DERA: variants seen among roughly 807,000 people sequenced by gnomAD.
The protein encoded by DERA is deoxyribose-phosphate aldolase.
DERA carries 15 observed loss-of-function variants against 41.1 expected under a neutral mutation model. The observed-to-expected ratio is 0.37, with a 90% CI of 0.24 to 0.56. The LOEUF is 0.56. Ranked by LOEUF, DERA falls within the 20% of genes least tolerant of loss-of-function variation. The pLI is 0.81. For synonymous variants in DERA, 139 were observed against 137.4 expected, an observed-to-expected ratio of 1.01 and a Z score of -0.08; for missense variants, 396 against 403.4, an observed-to-expected ratio of 0.98 and a Z score of 0.16.
chr12:16,034,731 C>A (rs775322099), intron 7 of DERA, among the ~76,000 whole-genome samples: 1 of 150,962 alleles, frequency 6.6e-6, no homozygotes, highest in Non-Finnish European at 1.5e-5. Flanking sequence ...GATTTCATTG[C>A]AGATTTATGT....
chr12:15,957,038 G>A lies in DERA; in HGVS notation c.129+5G>A. 6.2e-7 allele frequency: 1 copy of A among 1,612,242 alleles called. No individual in the cohort carries two copies. Among genetic ancestry groups the A allele is most frequent in the Non-Finnish European group, 8.5e-7 (1 of 1,178,442 alleles). On this transcript the variant is annotated splice_donor_5th_base_variant and intron_variant, in intron 2 of 8. Coordinates refer to ENST00000428559, the MANE Select transcript of DERA (RefSeq NM_015954.4). The surrounding 1 kb of genome is among the most constrained non-coding windows in gnomAD (Gnocchi z 4.8). ...ACCGTGAAAAAGGAGTGGCAGGTAA[G>A]GGTTCTTCTTGAGCATTCTGTGCCT... is the stretch of plus-strand genomic sequence containing the variant.
chr12:15,926,343 A>T (rs985590522), intron 1 of DERA, among the ~76,000 whole-genome samples: 1 of 152,024 alleles, frequency 6.6e-6, no homozygotes, highest in Non-Finnish European at 1.5e-5. Context: ...GTGTATTTTG[A>T]TATAAACTTT....
intron 1 of DERA, among the ~76,000 whole-genome samples, chr12:15,942,214 G>A (rs1948413644): frequency 6.6e-6 from 1 of 152,002 alleles, no homozygotes; most frequent in Admixed American, 6.6e-5. Flanking sequence ...GGGATTACTT[G>A]TTTTTTTCTT....
intron 6 of DERA, among the ~76,000 whole-genome samples, chr12:15,997,504 C>G (rs541526292): frequency 6.6e-6 from 1 of 152,004 alleles, no homozygotes; most frequent in Admixed American, 6.6e-5. Flanking sequence ...GCAAGGTGTT[C>G]GGTAAAAATA....
rs193144924 is a variant in DERA at position 15,970,367 on chromosome 12, G to A, written c.508+7420G>A. The stretch of plus-strand genomic sequence containing the variant: ...TTTAGATAGGAAACAGTCTTTAAAC[G>A]CTTGGATTCTTACTTAAATCATAAT... On this transcript the variant is annotated intron_variant, in intron 5 of 8. Coordinates refer to ENST00000428559, the MANE Select transcript of DERA (RefSeq NM_015954.4). This position sits in a 1 kb window ranked among gnomAD's most constrained non-coding sequence, Gnocchi z 4.3. Among the ~76,000 whole-genome samples the A allele has an allele frequency of 2.0e-5, 3 of 152,044 alleles. No individual in the cohort carries two copies. Among genetic ancestry groups the A allele is most frequent in the African/African-American group, 4.8e-5 (2 of 41,414 alleles).
At chr12:16,030,840 G>A (rs111794828) in intron 6 of DERA, among the ~76,000 whole-genome samples, 10 of 152,278 alleles carry the variant, frequency 6.6e-5, no homozygotes, top group African/African-American at 2.4e-4. Flanking sequence ...GCACATGGTA[G>A]TACTCAGTAA....
In DERA at chr12:15,924,431, T is replaced by C. The variant is rs1948267505; in HGVS notation, c.31+13017T>C. On this transcript the variant is annotated intron_variant, in intron 1 of 8. Coordinates refer to ENST00000428559, the MANE Select transcript of DERA (RefSeq NM_015954.4). The surrounding 1 kb of genome is among the most constrained non-coding windows in gnomAD (Gnocchi z 5.0). ...ATGTATATATATAAAAGTTAAATAA[T>C]TGAACTCAGTAAATATATTTTTCAC... 6.6e-6 allele frequency among the ~76,000 whole-genome samples: 1 copy of C among 152,178 alleles called. No individual in the cohort carries two copies. The highest frequency in any genetic ancestry group is 2.1e-4 in the South Asian group (1 of 4,828).
At chr12:15,914,250 C>T (rs570048626) in intron 1 of DERA, among the ~76,000 whole-genome samples, 7 of 152,212 alleles carry the variant, frequency 4.6e-5, no homozygotes, top group African/African-American at 9.6e-5. Flanking sequence ...GGCATAGTGG[C>T]GCATGCCTGT....
At position 15,954,467 on chromosome 12, in the gene DERA, G is replaced by C. The variant is rs1948522562; in HGVS notation, c.32-2469G>C. 6.6e-6 allele frequency among the ~76,000 whole-genome samples: 1 copy of C among 152,200 alleles called. No homozygotes were observed. Among genetic ancestry groups the C allele is most frequent in the South Asian group, 2.1e-4 (1 of 4,834 alleles). ...AGGTTCAGGGAAGGCTCCCAGAGAA[G>C]GTGACATTTGAATCGACTCTTAAAG... On this transcript the variant is annotated intron_variant, in intron 1 of 8. Coordinates refer to ENST00000428559, the MANE Select transcript of DERA (RefSeq NM_015954.4). This position sits in a 1 kb window ranked among gnomAD's most constrained non-coding sequence, Gnocchi z 4.0.
At chr12:15,919,970 A>ATGTGTGTGTG (rs10523539) in intron 1 of DERA, among the ~76,000 whole-genome samples, 2 of 148,166 alleles carry the variant, frequency 1.3e-5, no homozygotes, top group African/African-American at 2.5e-5. Context: ...TGAGAAAGAA[A>ATGTGTGTGTG]TGTGTGTGTG....
chr12:15,911,616 A>G lies in DERA; in HGVS notation c.31+202A>G, dbSNP rs1235800588. 1 of 699,566 alleles carries G rather than the reference A, an allele frequency of 1.4e-6. No homozygotes were observed. The highest frequency in any genetic ancestry group is 2.6e-6 in the Non-Finnish European group (1 of 385,132). The allele number at this position is 699,566 out of a possible 1,614,324, so 43.3% of individuals were successfully genotyped here. A position where few individuals can be genotyped will look rare whatever the true frequency, so the allele number is the denominator to read the frequency against. On this transcript the variant is annotated intron_variant, in intron 1 of 8. Transcript: ENST00000428559. This position sits in a 1 kb window ranked among gnomAD's most constrained non-coding sequence, Gnocchi z 4.5. ...GTTCGCGCCGCTTGTCTTTGCACCT[A>G]AGCTTTTACTCTTGTATGCGGAAGG...
At chr12:15,987,541 A>G (rs1485650945) in intron 6 of DERA, among the ~76,000 whole-genome samples, 1 of 151,872 alleles carries the variant, frequency 6.6e-6, no homozygotes, top group East Asian at 1.9e-4. Flanking sequence ...CCAGCCTAAA[A>G]CCATATTTTT....
rs114183599 is a variant in DERA at position 15,929,583 on chromosome 12, C to T, written c.31+18169C>T. ...GGTACACCTACATTCCAAGCTTCTT[C>T]TGTGTGTGTGTCTGTGTGTGCATGT... On this transcript the variant is annotated intron_variant, in intron 1 of 8. Transcript: ENST00000428559. Among the ~76,000 whole-genome samples the T allele has an allele frequency of 4.1e-3, 620 of 152,172 alleles. 3 individuals are homozygous for T. The highest frequency in any genetic ancestry group is 0.014 in the African/African-American group (592 of 41,514).
chr12:16,019,290 G>A lies in DERA; in HGVS notation c.638-13252G>A, dbSNP rs1439645495. Among the ~76,000 whole-genome samples the A allele has an allele frequency of 6.6e-6, 1 of 152,128 alleles. No homozygotes were observed. Among genetic ancestry groups the A allele is most frequent in the African/African-American group, 2.4e-5 (1 of 41,432 alleles). On this transcript the variant is annotated intron_variant, in intron 6 of 8. Transcript: ENST00000428559. The surrounding 1 kb of genome is among the most constrained non-coding windows in gnomAD (Gnocchi z 4.4). Reference sequence around the variant, plus strand: ...GGTCTTATTCCTCACTTAAAAAATAGCCAGTGTCTGCATGCCTGAACTATT... The same window carrying A: ...GGTCTTATTCCTCACTTAAAAAATAACCAGTGTCTGCATGCCTGAACTATT...
intron 6 of DERA, among the ~76,000 whole-genome samples, chr12:15,997,373 AT>A (rs1309143249): frequency 6.6e-6 from 1 of 152,162 alleles, no homozygotes; most frequent in Admixed American, 6.5e-5. Context: ...AATGAAAAAA[AT>A]GATTTTTTTT....
chr12:15,930,042 G>A (rs1271492297), intron 1 of DERA, among the ~76,000 whole-genome samples: 3 of 152,176 alleles, frequency 2.0e-5, no homozygotes, highest in Non-Finnish European at 4.4e-5. Context: ...CTAGGTCATA[G>A]AGTAACTGTG....
At position 15,957,201 on chromosome 12, in the gene DERA, A is replaced by G. The variant is rs1405477728; in HGVS notation, c.129+168A>G. Among the ~76,000 whole-genome samples the G allele has an allele frequency of 1.3e-5, 2 of 152,262 alleles. No individual in the cohort carries two copies. The highest frequency in any genetic ancestry group is 1.9e-4 in the East Asian group (1 of 5,198). On this transcript the variant is annotated intron_variant, in intron 2 of 8. Transcript: ENST00000428559. This position sits in a 1 kb window ranked among gnomAD's most constrained non-coding sequence, Gnocchi z 4.8. ...TATGATGATGATGGGTTGGAGAAAG[A>G]TAACACATTTATCCAAACAAGTTAA... is the stretch of plus-strand genomic sequence containing the variant.
rs1261040012 is a variant in DERA, at chr12:15,938,289, A to G, written c.32-18647A>G. On this transcript the variant is annotated intron_variant, in intron 1 of 8. Coordinates refer to ENST00000428559, the MANE Select transcript of DERA (RefSeq NM_015954.4). This position sits in a 1 kb window ranked among gnomAD's most constrained non-coding sequence, Gnocchi z 4.1. ...GGGAGCACTAAAAATACTTAAAATT[A>G]TATAATTAAAAATATTGAATGATAC... Among the ~76,000 whole-genome samples the G allele has an allele frequency of 1.3e-5, 2 of 152,210 alleles. No homozygotes were observed. The highest frequency in any genetic ancestry group is 6.5e-5 in the Admixed American group (1 of 15,284).
At chr12:15,980,751 A>G (rs927421535) in intron 5 of DERA, among the ~76,000 whole-genome samples, 3 of 152,114 alleles carry the variant, frequency 2.0e-5, no homozygotes, top group Non-Finnish European at 4.4e-5. Context: ...TTCTGTGGGT[A>G]CCATCTCTCA....
Sources: gnomAD v4.1 joint callset for allele counts (sites outside exome capture counted in the v4.1 genomes callset) on GRCh38, gnomAD v4.1.1 for gene constraint, Gnocchi (gnomAD v3.1) non-coding constraint, MANE v1.5 for transcripts, NCBI Gene and HGNC (gene_info 2026-07-23, HGNC 2026-07-21) for gene names.